EGFR: variants seen among roughly 807,000 people sequenced by gnomAD.
The protein encoded by EGFR is epidermal growth factor receptor.
Under a neutral mutation model 143.0 loss-of-function variants are expected in EGFR, and 58 were observed. That is an observed-to-expected ratio of 0.41 (90% CI 0.33 to 0.50). The LOEUF is 0.50. Among genes scored for constraint, EGFR ranks in the 20% least tolerant of loss-of-function variants. The pLI is 0.39. For missense variants in EGFR, 1,307 were observed against 1,579.0 expected (o/e 0.83, Z 2.92); for synonymous variants, 613 against 594.4 (o/e 1.03, Z -0.45).
rs953969369 is a variant in EGFR at position 55,136,746 on chromosome 7, G to A, written c.89-5540G>A. Among the ~76,000 whole-genome samples the A allele has an allele frequency of 3.9e-5, 6 of 152,158 alleles. No homozygotes were observed. The East Asian group carries it at 5.8e-4, about 15-fold the overall frequency. Reference sequence around the variant, plus strand: ...GATGTCTGATATGTTACTTTCTTGCGATGCCAGGCAATGGCTGGGAGCCAG... The same window carrying A: ...GATGTCTGATATGTTACTTTCTTGCAATGCCAGGCAATGGCTGGGAGCCAG... On this transcript the variant is annotated intron_variant, in intron 1 of 27. Coordinates refer to ENST00000275493, the MANE Select transcript of EGFR (RefSeq NM_005228.5).
intron 1 of EGFR, among the ~76,000 whole-genome samples, chr7:55,118,788 A>T (rs1272981419): frequency 6.6e-6 from 1 of 152,158 alleles, no homozygotes; most frequent in Non-Finnish European, 1.5e-5. Context: ...GGAGGGGTGA[A>T]GTGACACATA....
chr7:55,066,238 T>C (rs1383309009), intron 1 of EGFR, among the ~76,000 whole-genome samples: 1 of 152,180 alleles, frequency 6.6e-6, no homozygotes, highest in Non-Finnish European at 1.5e-5. Context: ...TTTTAAAAAA[T>C]CCAGTAAGTG....
intron 5 of EGFR, 176 bp from the exon 6 acceptor site, chr7:55,152,370 G>T (rs761095472): frequency 2.6e-6 from 2 of 773,468 alleles, no homozygotes; most frequent in Admixed American, 1.7e-5. Context: ...AATAAATCAG[G>T]AGAAAAAAGA....
At chr7:55,049,135 G>A (rs992210302) in intron 1 of EGFR, among the ~76,000 whole-genome samples, 1 of 152,110 alleles carries the variant, frequency 6.6e-6, no homozygotes. Context: ...CAGTTTTACA[G>A]GATTTTTTAT....
intron 1 of EGFR, among the ~76,000 whole-genome samples, chr7:55,094,576 T>A (rs1791329222): frequency 6.6e-6 from 1 of 152,030 alleles, no homozygotes; most frequent in African/African-American, 2.4e-5. Context: ...CTACTAGGAG[T>A]CCACAGTGAA....
chr7:55,149,234 G>A (rs973103320), intron 4 of EGFR, among the ~76,000 whole-genome samples: 2 of 151,896 alleles, frequency 1.3e-5, no homozygotes, highest in African/African-American at 4.8e-5. Flanking sequence ...CCATGAAGAG[G>A]GTTAATATCC....
At chr7:55,203,608 C>T (rs1787967971) in intron 27 of EGFR, among the ~76,000 whole-genome samples, 1 of 144,420 alleles carries the variant, frequency 6.9e-6, no homozygotes, top group Non-Finnish European at 1.5e-5. Context: ...ACCGCACACA[C>T]ATACAAACAT....
chr7:55,131,850 TGG>T (rs1793856828), intron 1 of EGFR, among the ~76,000 whole-genome samples: 1 of 150,986 alleles, frequency 6.6e-6, no homozygotes, highest in African/African-American at 2.4e-5. Context: ...ACAGCTGTCA[TGG>T]AACAGTGGAG....
rs145053643 is a variant in EGFR at position 55,106,826 on chromosome 7, T to A, written c.89-35460T>A. Among the ~76,000 whole-genome samples, 914 of 152,274 alleles carry A rather than the reference T, an allele frequency of 6.0e-3. 15 individuals carry two copies. Among genetic ancestry groups the A allele is most frequent in the African/African-American group, 0.021 (866 of 41,568 alleles). On this transcript the variant is annotated intron_variant, in intron 1 of 27. Coordinates refer to ENST00000275493, the MANE Select transcript of EGFR (RefSeq NM_005228.5). ...ACACTGTAAAGTGTACATTTTAAAG[T>A]CGGTTTTAAAAAATCATATTTAGAG...
intron 1 of EGFR, among the ~76,000 whole-genome samples, chr7:55,023,647 T>C (rs1786708724): frequency 1.2e-5 from 1 of 82,912 alleles, no homozygotes; most frequent in Non-Finnish European, 2.2e-5. Flanking sequence ...TGAGACTCCA[T>C]CTCAAAAAAA....
At chr7:55,063,942 T>G (rs1789348660) in intron 1 of EGFR, among the ~76,000 whole-genome samples, 1 of 152,180 alleles carries the variant, frequency 6.6e-6, no homozygotes, top group South Asian at 2.1e-4. Flanking sequence ...GCTTCTCATC[T>G]CCACACAAAA....
chr7:55,173,877 G>A (rs761085023), intron 17 of EGFR, 44 bp from the exon 18 acceptor site: 2 of 1,613,970 alleles, frequency 1.2e-6, no homozygotes, highest in South Asian at 2.2e-5. Flanking sequence ...CCAGCATGGT[G>A]AGGGCTGAGG....
At chr7:55,193,004 G>T (rs182598531) in intron 22 of EGFR, among the ~76,000 whole-genome samples, 163 bp downstream of exon 22, 2 of 151,994 alleles carry the variant, frequency 1.3e-5, no homozygotes, top group East Asian at 3.9e-4. Flanking sequence ...GAGAAAACAC[G>T]GCAGAGGAAA....
At chr7:55,087,097 T>G (rs777652927) in intron 1 of EGFR, among the ~76,000 whole-genome samples, 5 of 151,812 alleles carry the variant, frequency 3.3e-5, no homozygotes, top group Admixed American at 1.3e-4. Context: ...GGAAAAATAT[T>G]TTCCCCCCGC....
In EGFR at chr7:55,157,709, T is replaced by G. The variant is rs2128939687; in HGVS notation, c.1254T>G (p.His418Gln). 6.2e-7 allele frequency: 1 copy of G among 1,614,252 alleles called. No individual in the cohort carries two copies. The highest frequency in any genetic ancestry group is 2.2e-5 in the East Asian group (1 of 44,892). ...GGCCTGAAAACAGGACGGACCTCCA[T>G]GCCTTTGAGAACCTAGAAATCATAC... ...QAWPENRTDLHAFENLEIIRG... is the reference protein window; with the variant it reads ...QAWPENRTDLQAFENLEIIRG... The change falls in exon 11 of 28, where the codon CAT becomes CAG. Residue 418 changes from histidine to glutamine, a missense_variant. Coordinates refer to ENST00000275493, the MANE Select transcript of EGFR (RefSeq NM_005228.5).
intron 1 of EGFR, among the ~76,000 whole-genome samples, chr7:55,031,116 A>T (rs1030953768): frequency 6.6e-6 from 1 of 152,252 alleles, no homozygotes; most frequent in Non-Finnish European, 1.5e-5. Context: ...GTAGCAAAGG[A>T]AAAAGTCCTG....
intron 1 of EGFR, among the ~76,000 whole-genome samples, chr7:55,098,500 A>G (rs895270221): frequency 6.6e-6 from 1 of 152,248 alleles, no homozygotes; most frequent in Non-Finnish European, 1.5e-5. Context: ...TAAATGAAAA[A>G]AAAACCTTAA....
intron 15 of EGFR, chr7:55,170,378 A>G (rs1167043439): frequency 6.2e-7 from 1 of 1,614,176 alleles, no homozygotes; most frequent in South Asian, 1.1e-5. Flanking sequence ...CAAAGTAATG[A>G]TGGCAGCGTG....
intron 1 of EGFR, among the ~76,000 whole-genome samples, chr7:55,080,925 C>T (rs1365720140): frequency 6.6e-6 from 1 of 152,128 alleles, no homozygotes; most frequent in Non-Finnish European, 1.5e-5. Flanking sequence ...CAGGGGTGAT[C>T]TAGTGACACT....
Sources: allele counts gnomAD v4.1 joint callset (sites outside exome capture counted in the v4.1 genomes callset), GRCh38; gene constraint gnomAD v4.1.1; transcripts MANE v1.5; gene names NCBI Gene and HGNC (gene_info 2026-07-23, HGNC 2026-07-21).